The following KNTC1 variants were observed in gnomAD, a reference collection of about 807,000 sequenced individuals.
The protein encoded by KNTC1 is kinetochore-associated protein 1.
Under a neutral mutation model 314.4 loss-of-function variants are expected in KNTC1, and 253 were observed. That is an observed-to-expected ratio of 0.80 (90% CI 0.73 to 0.89). KNTC1 has a LOEUF of 0.89. KNTC1 is among the 40% of genes least tolerant of loss of function. The pLI is 0.00. For missense variants in KNTC1, 2,475 were observed against 2,572.9 expected (o/e 0.96, Z 0.82); for synonymous variants, 901 against 901.4 (o/e 1.00, Z 0.01).
chr12:122,590,829 A>G, intron 41 of KNTC1, 94 bp downstream of exon 41: 2 of 1,256,600 alleles, frequency 1.6e-6, no homozygotes. Context: ...TTAAAGATTT[A>G]GTAGAAGAAA....
At position 122,603,045 on chromosome 12, in the gene KNTC1, T is replaced by C; in HGVS notation, c.4903T>C (p.Tyr1635His). 6.2e-7 allele frequency: 1 copy of C among 1,613,560 alleles called. No homozygotes were observed. Among genetic ancestry groups the C allele is most frequent in the Non-Finnish European group, 8.5e-7 (1 of 1,179,622 alleles). The change falls in exon 48 of 64, where the codon TAC (tyrosine) becomes CAC (histidine). Residue 1635 changes from tyrosine (Y) to histidine (H), a missense_variant. Physicochemically the swap from Tyr to His is moderately conservative, Grantham distance 83 (BLOSUM62 2). Transcript: ENST00000333479. ...TTTGAAGTTCTCTCTGGACACTCTG[T>C]ACGTGTCTACAGCAAAACACGTTTT... ...KLMKFSLDTLYVSTAKHVFEK... is the reference protein window; with the variant it reads ...KLMKFSLDTLHVSTAKHVFEK...
chr12:122,539,718 C>T lies in KNTC1; in HGVS notation c.409C>T (p.Gln137Ter). The change falls in exon 5 of 64, where the codon CAG (glutamine) becomes TAG (stop). Residue 137 changes from glutamine to a stop codon, truncating the protein, a stop_gained. Coordinates refer to ENST00000333479, the MANE Select transcript of KNTC1 (RefSeq NM_014708.6). LOFTEE classifies it high-confidence loss of function. ...KANDENRRTY[Q>*]NLVIEKDGSN... Reference sequence around the variant, plus strand: ...TAACGATGAAAATCGGCGGACTTACCAGAATCTTGTCATTGAGAAGGATGG... The same window carrying T: ...TAACGATGAAAATCGGCGGACTTACTAGAATCTTGTCATTGAGAAGGATGG... 1 of 1,579,688 alleles carries T rather than the reference C, an allele frequency of 6.3e-7. No homozygotes were observed. Among genetic ancestry groups the T allele is most frequent in the Non-Finnish European group, 8.6e-7 (1 of 1,162,352 alleles).
At chr12:122,624,018 A>G (rs55847043) in intron 62 of KNTC1, among the ~76,000 whole-genome samples, 1 of 152,104 alleles carries the variant, frequency 6.6e-6, no homozygotes, top group Non-Finnish European at 1.5e-5. Flanking sequence ...CAGTGAGCCG[A>G]GATCGCACCA....
chr12:122,602,815 T>C lies in KNTC1; in HGVS notation c.4826-14T>C. ...TTTCTTAAGCAAATCGTACTTTCCT[T>C]GTTTCCTTTCTAGCTACAGAACTCA... On this transcript the variant is annotated splice_polypyrimidine_tract_variant and intron_variant, in intron 46 of 63. Coordinates refer to ENST00000333479, the MANE Select transcript of KNTC1 (RefSeq NM_014708.6). 1 of 1,612,432 alleles carries C rather than the reference T, an allele frequency of 6.2e-7. No individual in the cohort carries two copies. The highest frequency in any genetic ancestry group is 8.5e-7 in the Non-Finnish European group (1 of 1,179,090).
At chr12:122,550,500 T>TTTG (rs140141009) in intron 13 of KNTC1, among the ~76,000 whole-genome samples, 12 of 152,036 alleles carry the variant, frequency 7.9e-5, no homozygotes, top group East Asian at 1.9e-4. Context: ...TCTCTGTGTT[T>TTTG]TTGTTGTTGT....
intron 53 of KNTC1, among the ~76,000 whole-genome samples, chr12:122,612,304 GATCC>G (rs1212996517): frequency 6.6e-6 from 1 of 151,404 alleles, no homozygotes; most frequent in Admixed American, 6.6e-5. Context: ...GACCTCAGGT[GATCC>G]ACCCACCTCG....
intron 20 of KNTC1, among the ~76,000 whole-genome samples, chr12:122,566,041 C>A (rs1385661006): frequency 6.9e-6 from 1 of 144,934 alleles, no homozygotes; most frequent in African/African-American, 2.6e-5. Context: ...CTCCCAGATT[C>A]AAGTGATTCT....
At chr12:122,570,056 A>G (rs958878446) in intron 22 of KNTC1, among the ~76,000 whole-genome samples, 1 of 152,194 alleles carries the variant, frequency 6.6e-6, no homozygotes, top group African/African-American at 2.4e-5. Flanking sequence ...CCAGGCATGG[A>G]AAGACTAACA....
At chr12:122,543,542 C>CT in intron 6 of KNTC1, 58 bp from the exon 7 acceptor site, 1 of 1,182,046 alleles carries the variant, frequency 8.5e-7, no homozygotes, top group Non-Finnish European at 1.2e-6. Context: ...AAACAGGTGA[C>CT]TTGTATTATT....
At chr12:122,608,628 A>G (rs1006977086) in intron 51 of KNTC1, among the ~76,000 whole-genome samples, 12 of 152,222 alleles carry the variant, frequency 7.9e-5, no homozygotes, top group African/African-American at 2.9e-4. Flanking sequence ...TTCAAGGTAC[A>G]CACTAAAAGT....
intron 41 of KNTC1, 105 bp from the exon 42 acceptor site, chr12:122,591,232 G>T: frequency 1.4e-6 from 1 of 739,790 alleles, no homozygotes; most frequent in East Asian, 2.5e-5. Context: ...CATTCTACAC[G>T]GTTGATCACA....
chr12:122,544,410 A>T, intron 8 of KNTC1, 141 bp downstream of exon 8: 2 of 533,006 alleles, frequency 3.8e-6, no homozygotes, highest in Non-Finnish European at 6.5e-6. Context: ...ATTAAAAATA[A>T]CTCAATAAAT....
intron 59 of KNTC1, among the ~76,000 whole-genome samples, chr12:122,619,246 T>C (rs992871344): frequency 8.2e-5 from 12 of 147,182 alleles, no homozygotes; most frequent in Non-Finnish European, 1.3e-4. Context: ...TTAGTAGAGA[T>C]GGAATTTCCA....
intron 16 of KNTC1, among the ~76,000 whole-genome samples, chr12:122,556,484 CTTTTT>C (rs371272876): frequency 8.9e-6 from 1 of 112,800 alleles, no homozygotes; most frequent in Non-Finnish European, 1.7e-5. Context: ...CTACTCTCTA[CTTTTT>C]TTTTTTTTTT....
At chr12:122,574,163 GT>G in intron 26 of KNTC1, 118 bp from the exon 27 acceptor site, 5 of 576,182 alleles carry the variant, frequency 8.7e-6, no homozygotes, top group South Asian at 4.8e-5. Flanking sequence ...GAATTTTTAG[GT>G]TTTTTTTCTT....
At chr12:122,581,343 G>A (rs1266842483) in intron 33 of KNTC1, among the ~76,000 whole-genome samples, 4 of 151,152 alleles carry the variant, frequency 2.6e-5, no homozygotes, top group Non-Finnish European at 5.9e-5. Context: ...GGGATTATAG[G>A]CATGTGCCAC....
intron 2 of KNTC1, among the ~76,000 whole-genome samples, chr12:122,533,225 G>C (rs1307302464): frequency 1.3e-5 from 2 of 150,920 alleles, no homozygotes; most frequent in Non-Finnish European, 3.0e-5. Flanking sequence ...GGAGTGCAGT[G>C]GTGTGATCTT....
intron 48 of KNTC1, 29 bp downstream of exon 48, chr12:122,603,272 TAAAAA>T (rs370531688): frequency 6.9e-6 from 8 of 1,154,088 alleles, no homozygotes; most frequent in South Asian, 1.6e-5. Context: ...AAATTGTAGT[TAAAAA>T]AAAAAAAAAA....
intron 9 of KNTC1, 77 bp downstream of exon 9, chr12:122,546,346 A>G (rs1200930946): frequency 3.5e-6 from 3 of 866,598 alleles, no homozygotes; most frequent in African/African-American, 3.4e-5. Context: ...TTAGACTGAC[A>G]TATGGGTCAT....
Sources: allele counts gnomAD v4.1 joint callset (sites outside exome capture counted in the v4.1 genomes callset), GRCh38; gene constraint gnomAD v4.1.1; transcripts MANE v1.5; gene names NCBI Gene and HGNC (gene_info 2026-07-23, HGNC 2026-07-21).